The following PRKG1 variants were observed in gnomAD, a reference collection of about 807,000 sequenced individuals.
PRKG1 encodes protein kinase cGMP-dependent 1, also known as cGMP-dependent protein kinase 1.
Under a neutral mutation model 88.1 loss-of-function variants are expected in PRKG1, and 35 were observed. The observed-to-expected ratio is 0.40, with a 90% CI of 0.30 to 0.53. PRKG1 has a LOEUF of 0.53. PRKG1 is among the 20% of genes least tolerant of loss of function. PRKG1 has a pLI of 0.59. For synonymous variants in PRKG1, 303 were observed against 292.5 expected (o/e 1.04, Z -0.37); for missense variants, 540 against 839.8 (o/e 0.64, Z 4.41).
intron 2 of PRKG1, among the ~76,000 whole-genome samples, chr10:51,373,289 C>T (rs1160872776): frequency 6.6e-6 from 1 of 152,166 alleles, no homozygotes; most frequent in African/African-American, 2.4e-5. Context: ...GATCCAGAAT[C>T]TGGAAATCAA....
At chr10:51,952,282 C>T (rs140282232) in intron 5 of PRKG1, among the ~76,000 whole-genome samples, 100 of 152,282 alleles carry the variant, frequency 6.6e-4, no homozygotes, top group African/African-American at 2.2e-3. Context: ...GAGCAAAGGC[C>T]TGGACATTTG....
At chr10:52,196,613 T>A (rs1839514216) in intron 9 of PRKG1, among the ~76,000 whole-genome samples, 1 of 152,186 alleles carries the variant, frequency 6.6e-6, no homozygotes, top group Non-Finnish European at 1.5e-5. Context: ...TTGGGAATTA[T>A]CTAAGGAGAC....
intron 8 of PRKG1, among the ~76,000 whole-genome samples, chr10:52,152,095 C>T (rs34261122): frequency 0.22 from 33,483 of 152,058 alleles, 3,869 homozygotes; most frequent in South Asian, 0.3. Context: ...TACCCTAAGA[C>T]ATACAGAGGA....
intron 2 of PRKG1, among the ~76,000 whole-genome samples, chr10:51,397,717 A>G (rs1391688130): frequency 2.0e-5 from 3 of 152,202 alleles, no homozygotes; most frequent in Non-Finnish European, 2.9e-5. Context: ...TTAAAATCAC[A>G]GCAGTTATCA....
rs1463613965 is a variant in PRKG1 at position 52,188,213 on chromosome 10, TGTATATATATACATATGTATATATATAC to T, written c.1076+26251_1076+26278del. 5.8e-4 allele frequency among the ~76,000 whole-genome samples: 32 copies of T among 55,620 alleles called. 1 individual carries two copies. In the East Asian group the frequency reaches 0.012, roughly 21 times the overall value. 36.5% of individuals were successfully genotyped at this position (55,620 alleles called of 152,430 possible). A position where few individuals can be genotyped will look rare whatever the true frequency, so the allele number is the denominator to read the frequency against. On this transcript the variant is annotated intron_variant, in intron 9 of 17. Transcript: ENST00000373980. ...GTATGTGTGTGTGTATATATATATG[TGTATATATATACATATGTATATATATAC>T]ATATATATGTGTATATATATACATA...
At chr10:51,741,396 C>T (rs891190470) in intron 3 of PRKG1, among the ~76,000 whole-genome samples, 6 of 152,108 alleles carry the variant, frequency 3.9e-5, no homozygotes, top group Non-Finnish European at 5.9e-5. Context: ...GGTCCATTTT[C>T]TGCATTCCTT....
At chr10:51,358,561 G>A (rs2132581453) in intron 2 of PRKG1, among the ~76,000 whole-genome samples, 1 of 151,956 alleles carries the variant, frequency 6.6e-6, no homozygotes, top group Non-Finnish European at 1.5e-5. Context: ...TAATTCTGGG[G>A]ACTAAATAGT....
At chr10:51,385,992 A>T (rs1407301857) in intron 2 of PRKG1, among the ~76,000 whole-genome samples, 1 of 152,156 alleles carries the variant, frequency 6.6e-6, no homozygotes, top group African/African-American at 2.4e-5. Flanking sequence ...TCATGAGTTA[A>T]ATTTCTCATT....
intron 9 of PRKG1, among the ~76,000 whole-genome samples, chr10:52,249,346 A>G (rs541011359): frequency 9.9e-5 from 15 of 151,742 alleles, no homozygotes; most frequent in Non-Finnish European, 2.1e-4. Flanking sequence ...CAGAAGATAT[A>G]GAACTATAGG....
intron 5 of PRKG1, among the ~76,000 whole-genome samples, chr10:52,022,654 G>A (rs1362344369): frequency 6.6e-6 from 1 of 152,062 alleles, no homozygotes; most frequent in Admixed American, 6.6e-5. Context: ...ATAGTGTATG[G>A]TATAGCTCAT....
chr10:51,180,377 G>T (rs1837311992), intron 2 of PRKG1, among the ~76,000 whole-genome samples: 1 of 152,118 alleles, frequency 6.6e-6, no homozygotes, highest in Admixed American at 6.5e-5. Flanking sequence ...AGTAGACTTA[G>T]TTTGCTTTTG....
intron 3 of PRKG1, among the ~76,000 whole-genome samples, chr10:51,618,388 G>T (rs1589135039): frequency 6.6e-6 from 1 of 152,256 alleles, no homozygotes; most frequent in South Asian, 2.1e-4. Flanking sequence ...AAAGAAAGAG[G>T]TAGAACACAG....
chr10:51,926,715 G>A (rs141849327), intron 5 of PRKG1, among the ~76,000 whole-genome samples: 193 of 150,530 alleles, frequency 1.3e-3, no homozygotes, highest in African/African-American at 4.3e-3. Flanking sequence ...CCATAGTTAC[G>A]GCTTATTTTC....
intron 4 of PRKG1, among the ~76,000 whole-genome samples, chr10:51,805,741 T>C (rs895206219): frequency 1.3e-4 from 20 of 152,158 alleles, no homozygotes; most frequent in African/African-American, 4.3e-4. Context: ...ATATTTCTTG[T>C]AGTTAATTTA....
At chr10:51,686,090 C>T (rs1840982139) in intron 3 of PRKG1, among the ~76,000 whole-genome samples, 1 of 152,100 alleles carries the variant, frequency 6.6e-6, no homozygotes, top group Non-Finnish European at 1.5e-5. Context: ...TTTTCCTCTA[C>T]CCGGAATAAT....
intron 3 of PRKG1, among the ~76,000 whole-genome samples, chr10:51,588,980 G>GT (rs1047238384): frequency 6.6e-6 from 1 of 152,038 alleles, no homozygotes; most frequent in South Asian, 2.1e-4. Context: ...GCATGCAGCT[G>GT]TTTTTTTGGA....
rs374565716 is a variant in PRKG1 at position 51,195,834 on chromosome 10, C to T, written c.478+42504C>T. Reference sequence around the variant, plus strand: ...GTTATTCTTTTATACTAAATTTCAACTAATATCTATTAAGTACTTATGGCA... The same window carrying T: ...GTTATTCTTTTATACTAAATTTCAATTAATATCTATTAAGTACTTATGGCA... On this transcript the variant is annotated intron_variant, in intron 2 of 17. Transcript: ENST00000373980. Among the ~76,000 whole-genome samples the T allele has an allele frequency of 1.6e-4, 24 of 152,254 alleles. No homozygotes were observed. In the South Asian group the frequency reaches 3.9e-3, roughly 25 times the overall value.
At chr10:51,216,280 C>T (rs527398629) in intron 2 of PRKG1, among the ~76,000 whole-genome samples, 3 of 152,196 alleles carry the variant, frequency 2.0e-5, no homozygotes, top group Non-Finnish European at 4.4e-5. Context: ...TTGGGTAGGG[C>T]ACTAAGATCT....
intron 2 of PRKG1, among the ~76,000 whole-genome samples, chr10:51,167,426 G>C (rs1013494503): frequency 6.6e-5 from 10 of 152,150 alleles, no homozygotes; most frequent in Non-Finnish European, 7.4e-5. Flanking sequence ...CATACATAGG[G>C]CCCTGTAAGT....
Sources: allele counts gnomAD v4.1 joint callset (sites outside exome capture counted in the v4.1 genomes callset), GRCh38; gene constraint gnomAD v4.1.1; transcripts MANE v1.5; gene names NCBI Gene and HGNC (gene_info 2026-07-23, HGNC 2026-07-21).